INSL6: variants seen among roughly 807,000 people sequenced by gnomAD.
The protein encoded by INSL6 is insulin-like peptide INSL6.
Under a neutral mutation model 9.4 loss-of-function variants are expected in INSL6, and 16 were observed. The observed-to-expected ratio is 1.70, with a 90% CI of 1.15 to 2.59. The LOEUF is 2.59. Among genes scored for constraint, INSL6 ranks in the 30% most tolerant of loss-of-function variants. The pLI, the probability that INSL6 is intolerant of heterozygous loss-of-function variation, is 0.00. For missense variants in INSL6, 391 were observed against 257.3 expected (o/e 1.52, Z -3.56); for synonymous variants, 154 against 96.9 (o/e 1.59, Z -3.46).
chr9:5,021,190 C>G, the INSL6 span, among the ~76,000 whole-genome samples: 1 of 152,134 alleles, frequency 6.6e-6, no homozygotes, highest in Non-Finnish European at 1.5e-5. Flanking sequence ...TCCTTCCTTG[C>G]ATTAGGTGTT....
At chr9:5,135,821 C>G (rs1440532407) in intron 2 of INSL6, among the ~76,000 whole-genome samples, 1 of 151,256 alleles carries the variant, frequency 6.6e-6, no homozygotes, top group African/African-American at 2.4e-5. Flanking sequence ...CAAAAAAAAT[C>G]AATGAATCCA....
intron 3 of INSL6, chr9:5,132,009 C>T (rs1158380052): frequency 6.6e-6 from 1 of 151,800 alleles, no homozygotes; most frequent in Non-Finnish European, 1.5e-5. Flanking sequence ...ACCTTTATTA[C>T]TTTTATAACT....
rs150147732 is a variant in INSL6, at chr9:5,148,319, G to T, written c.377-14727C>A. ...AATGATTTTTGGTGTTATAGTTTCG[G>T]CTGTGATCCAGGAGATGGTGCTTGA... On this transcript the variant is annotated intron_variant, in intron 2 of 3. Transcript: ENST00000649639. 5.6e-3 allele frequency among the ~76,000 whole-genome samples: 846 copies of T among 152,194 alleles called. 8 individuals carry two copies. Among genetic ancestry groups the T allele is most frequent in the African/African-American group, 0.02 (810 of 41,518 alleles).
the INSL6 span, chr9:5,041,448 T>C: frequency 1.6e-6 from 1 of 615,446 alleles, no homozygotes; most frequent in South Asian, 1.5e-5. Context: ...TGCAGCAGCC[T>C]CCCCTGGCAG....
chr9:5,155,796 C>T (rs934204210), intron 2 of INSL6, among the ~76,000 whole-genome samples: 4 of 151,718 alleles, frequency 2.6e-5, no homozygotes, highest in Admixed American at 2.6e-4. Context: ...GGAGGGATTG[C>T]ATTAGGAGAA....
At chr9:5,072,530 T>G in the INSL6 span, 8 of 1,603,050 alleles carry the variant, frequency 5.0e-6, no homozygotes, top group Non-Finnish European at 6.8e-6. Context: ...CAAAGATTTT[T>G]AAAGGCGTAC....
At chr9:5,055,847 T>C in the INSL6 span, 1 of 1,460,826 alleles carries the variant, frequency 6.8e-7, no homozygotes, top group South Asian at 1.2e-5. Context: ...AAATGTGTAT[T>C]TTAGAATCTT....
At chr9:5,137,097 A>G (rs1343853251) in intron 2 of INSL6, among the ~76,000 whole-genome samples, 2 of 152,204 alleles carry the variant, frequency 1.3e-5, no homozygotes, top group Non-Finnish European at 2.9e-5. Flanking sequence ...ACTACAAACC[A>G]CTGCTCAAGG....
chr9:5,164,395 G>A, intron 1 of INSL6, 130 bp from the exon 2 acceptor site: 3 of 638,430 alleles, frequency 4.7e-6, no homozygotes, highest in Non-Finnish European at 7.9e-6. Context: ...AGAATGGAAA[G>A]TATGGTTATT....
chr9:5,089,591 G>C, the INSL6 span: 1 of 215,654 alleles, frequency 4.6e-6, no homozygotes, highest in East Asian at 1.2e-4. Flanking sequence ...CCAGCTACTA[G>C]AATTTTCTAT....
chr9:5,061,955 G>A, the INSL6 span, among the ~76,000 whole-genome samples: 1 of 152,204 alleles, frequency 6.6e-6, no homozygotes, highest in East Asian at 1.9e-4. Flanking sequence ...GAATAGGGAG[G>A]CCTGAGGAGA....
the INSL6 span, among the ~76,000 whole-genome samples, chr9:5,083,291 T>G: frequency 2.0e-5 from 3 of 152,216 alleles, no homozygotes; most frequent in Non-Finnish European, 4.4e-5. Flanking sequence ...CACACAGTCA[T>G]GTATAACCTA....
the INSL6 span, among the ~76,000 whole-genome samples, chr9:5,089,410 C>T: frequency 2.6e-5 from 4 of 151,672 alleles, no homozygotes; most frequent in South Asian, 4.1e-4. Context: ...TATTGGCGGG[C>T]GCCTGTATTC....
At chr9:5,010,428 C>G in the INSL6 span, among the ~76,000 whole-genome samples, 17 of 151,920 alleles carry the variant, frequency 1.1e-4, no homozygotes, top group African/African-American at 4.1e-4. Context: ...TCAAGCAATT[C>G]TCCTGCCTCA....
chr9:5,128,159 A>AAAAAG lies in INSL6; in HGVS notation c.*11-3653_*11-3649dup, dbSNP rs1824127905. The AAAAAG allele has an allele frequency of 1.7e-5, 4 of 232,218 alleles. No individual in the cohort carries two copies. The East Asian group carries it at 2.4e-4, about 14-fold the overall frequency. 14.4% of individuals were successfully genotyped at this position (232,218 alleles called of 1,614,324 possible). A position where few individuals can be genotyped will look rare whatever the true frequency, so the allele number is the denominator to read the frequency against. ...ACTTAAAATACTTGCTGTTTTGATT[A>AAAAAG]AAAAGAAAATAGTTTCTTACTTTAT... On this transcript the variant is annotated intron_variant, in intron 3 of 3. Transcript: ENST00000649639.
chr9:5,114,523 A>C, the INSL6 span: 127,369 of 464,646 alleles, frequency 0.27, 18,148 homozygotes, highest in Admixed American at 0.3. Flanking sequence ...ACGCTAGAAG[A>C]GCCGAGGAAC....
chr9:5,185,099 A>C (rs1825538715), intron 1 of INSL6, among the ~76,000 whole-genome samples: 1 of 152,118 alleles, frequency 6.6e-6, no homozygotes, highest in South Asian at 2.1e-4. Context: ...AAATATGTAG[A>C]CTTACAAGTG....
At chr9:5,101,334 C>T in the INSL6 span, among the ~76,000 whole-genome samples, 8 of 152,252 alleles carry the variant, frequency 5.3e-5, no homozygotes, top group Admixed American at 1.3e-4. Flanking sequence ...GGCGGAGGGG[C>T]GTCCGCCATT....
chr9:5,005,075 C>G, the INSL6 span, among the ~76,000 whole-genome samples: 1 of 125,424 alleles, frequency 8.0e-6, no homozygotes, highest in Admixed American at 9.0e-5. Flanking sequence ...TGCCAGCATG[C>G]CTGGCTAATT....
Sources: allele counts gnomAD v4.1 joint callset (sites outside exome capture counted in the v4.1 genomes callset), GRCh38; gene constraint gnomAD v4.1.1; transcripts MANE v1.5; gene names NCBI Gene and HGNC (gene_info 2026-07-23, HGNC 2026-07-21).